Variants in CTNNA3 observed in about 807,000 individuals in gnomAD.
The protein encoded by CTNNA3 is catenin alpha 3, also known as catenin alpha-3.
A neutral mutation model predicts 95.7 loss-of-function variants in CTNNA3; 76 were observed. That is an observed-to-expected ratio of 0.79 (90% CI 0.66 to 0.96). The LOEUF is 0.96. Among genes scored for constraint, CTNNA3 ranks in the 40% least tolerant of loss-of-function variants. CTNNA3 has a pLI of 0.00. For synonymous variants in CTNNA3, 431 were observed against 374.4 expected (o/e 1.15, Z -1.74); for missense variants, 1,191 against 1,089.8 (o/e 1.09, Z -1.31).
intron 10 of CTNNA3, among the ~76,000 whole-genome samples, chr10:66,576,354 TGGTTA>T (rs1366373249): frequency 6.6e-6 from 1 of 152,080 alleles, no homozygotes; most frequent in Non-Finnish European, 1.5e-5. Flanking sequence ...CTAGGTTTAG[TGGTTA>T]CACATACAGG....
At chr10:67,221,621 C>T (rs1864662386) in intron 5 of CTNNA3, among the ~76,000 whole-genome samples, 1 of 152,014 alleles carries the variant, frequency 6.6e-6, no homozygotes, top group East Asian at 1.9e-4. Flanking sequence ...GTCGCCGAGG[C>T]TGGAGTACAG....
At chr10:66,771,234 C>T (rs1840073213) in intron 8 of CTNNA3, among the ~76,000 whole-genome samples, 1 of 152,142 alleles carries the variant, frequency 6.6e-6, no homozygotes. Context: ...AAATAAAAGA[C>T]ATTTTTCTTA....
intron 14 of CTNNA3, among the ~76,000 whole-genome samples, chr10:66,092,316 C>T (rs2081242590): frequency 6.6e-6 from 1 of 151,938 alleles, no homozygotes; most frequent in Non-Finnish European, 1.5e-5. Context: ...ACACAGCATT[C>T]AGAAAGACTC....
chr10:66,783,428 C>T (rs540300483), intron 7 of CTNNA3, among the ~76,000 whole-genome samples: 116 of 152,056 alleles, frequency 7.6e-4, no homozygotes, highest in Non-Finnish European at 1.5e-3. Context: ...AATTCCAAAA[C>T]TTTTTTACTG....
intron 5 of CTNNA3, among the ~76,000 whole-genome samples, chr10:67,433,418 T>C (rs978799871): frequency 6.6e-6 from 1 of 152,030 alleles, no homozygotes; most frequent in Non-Finnish European, 1.5e-5. Flanking sequence ...TTTTGAAATA[T>C]TGCAAGAATT....
At chr10:67,315,038 A>T (rs1476861726) in intron 5 of CTNNA3, among the ~76,000 whole-genome samples, 2 of 152,092 alleles carry the variant, frequency 1.3e-5, no homozygotes, top group Non-Finnish European at 2.9e-5. Flanking sequence ...TTCCCTTGCT[A>T]TTCCTCCTCA....
At chr10:66,487,180 G>GTTTT (rs1357738417) in intron 11 of CTNNA3, among the ~76,000 whole-genome samples, 2 of 87,510 alleles carry the variant, frequency 2.3e-5, no homozygotes, top group African/African-American at 9.6e-5. Flanking sequence ...TAAAAGGGCA[G>GTTTT]ATTTTTTTTT....
intron 13 of CTNNA3, among the ~76,000 whole-genome samples, chr10:66,227,609 T>C (rs1034641007): frequency 6.6e-6 from 1 of 152,222 alleles, no homozygotes; most frequent in South Asian, 2.1e-4. Context: ...TCTATGTTCA[T>C]TCAAAATATT....
chr10:67,302,394 A>C (rs1330870656), intron 5 of CTNNA3, among the ~76,000 whole-genome samples: 1 of 152,212 alleles, frequency 6.6e-6, no homozygotes, highest in East Asian at 1.9e-4. Flanking sequence ...GTATTGTATT[A>C]TGTAAATCAA....
chr10:66,908,703 A>G (rs1170381219), intron 7 of CTNNA3, among the ~76,000 whole-genome samples: 3 of 152,058 alleles, frequency 2.0e-5, no homozygotes, highest in Admixed American at 1.3e-4. Context: ...CATTTTTATT[A>G]TAGTAGTTTT....
At chr10:67,018,091 T>C (rs567376342) in intron 7 of CTNNA3, among the ~76,000 whole-genome samples, 5 of 152,296 alleles carry the variant, frequency 3.3e-5, no homozygotes, top group South Asian at 2.1e-4. Context: ...ATATTAAACA[T>C]ATATTTTAAC....
At chr10:66,638,063 A>G (rs1215629256) in intron 9 of CTNNA3, among the ~76,000 whole-genome samples, 1 of 152,170 alleles carries the variant, frequency 6.6e-6, no homozygotes, top group Admixed American at 6.5e-5. Flanking sequence ...CCACCACTGG[A>G]AGAACAAGAC....
chr10:67,511,456 G>T (rs577171354), intron 5 of CTNNA3, among the ~76,000 whole-genome samples: 81 of 152,280 alleles, frequency 5.3e-4, no homozygotes, highest in Admixed American at 2.9e-3. Flanking sequence ...AGATAATCAT[G>T]TGGTTTTTGT....
At chr10:67,201,211 C>T (rs543180628) in intron 6 of CTNNA3, among the ~76,000 whole-genome samples, 21 of 152,288 alleles carry the variant, frequency 1.4e-4, no homozygotes, top group South Asian at 6.2e-4. Flanking sequence ...ATGGTTTCCA[C>T]GTGAAACAAA....
At chr10:67,230,905 G>A (rs546985982) in intron 5 of CTNNA3, among the ~76,000 whole-genome samples, 3 of 152,186 alleles carry the variant, frequency 2.0e-5, no homozygotes, top group Non-Finnish European at 4.4e-5. Flanking sequence ...GTCAAAGAGA[G>A]GGGTGACAGA....
At chr10:66,459,464 G>A (rs1333767719) in intron 11 of CTNNA3, among the ~76,000 whole-genome samples, 1 of 152,074 alleles carries the variant, frequency 6.6e-6, no homozygotes, top group Admixed American at 6.6e-5. Context: ...TTTTTACAGT[G>A]GCTGTACTAT....
intron 5 of CTNNA3, among the ~76,000 whole-genome samples, chr10:67,510,013 T>C (rs1347314580): frequency 6.6e-6 from 1 of 152,258 alleles, no homozygotes; most frequent in Admixed American, 6.5e-5. Context: ...TCTGTTCATA[T>C]CCTTTCCTGA....
intron 15 of CTNNA3, among the ~76,000 whole-genome samples, chr10:66,066,175 T>C (rs1364181624): frequency 6.6e-6 from 1 of 152,174 alleles, no homozygotes; most frequent in Non-Finnish European, 1.5e-5. Context: ...CAAGATGATA[T>C]TATAATATAA....
intron 7 of CTNNA3, among the ~76,000 whole-genome samples, chr10:66,823,077 G>T (rs374647469): frequency 2.8e-4 from 43 of 152,290 alleles, no homozygotes; most frequent in African/African-American, 9.9e-4. Flanking sequence ...CAACAATTCT[G>T]GTAGTAGCAC....
Sources: allele counts gnomAD v4.1 joint callset (sites outside exome capture counted in the v4.1 genomes callset), GRCh38; gene constraint gnomAD v4.1.1; transcripts MANE v1.5; gene names NCBI Gene and HGNC (gene_info 2026-07-23, HGNC 2026-07-21).